Variants in CNTNAP2 observed in about 807,000 individuals in gnomAD.
The protein encoded by CNTNAP2 is contactin-associated protein-like 2.
In CNTNAP2, 98 loss-of-function variants were observed where a neutral mutation model predicts 155.2. That is an observed-to-expected ratio of 0.63 (90% confidence interval 0.54 to 0.75). CNTNAP2 has a LOEUF of 0.75. Ranked by LOEUF, CNTNAP2 falls within the 30% of genes least tolerant of loss-of-function variation. The probability of loss-of-function intolerance (pLI) is 0.00; values close to 1 mark genes in which losing one functional copy is unlikely to be tolerated. For synonymous variants in CNTNAP2, 651 were observed against 631.2 expected (o/e 1.03, Z -0.47); for missense variants, 1,727 against 1,688.1 (o/e 1.02, Z -0.40).
At chr7:147,935,175 G>C (rs1563140497) in intron 14 of CNTNAP2, among the ~76,000 whole-genome samples, 3 of 151,678 alleles carry the variant, frequency 2.0e-5, no homozygotes, top group Non-Finnish European at 4.4e-5. Flanking sequence ...TCGCCAGGCT[G>C]CAGTGCAGTG....
chr7:148,319,208 A>G (rs1797744703), intron 21 of CNTNAP2, among the ~76,000 whole-genome samples: 1 of 152,218 alleles, frequency 6.6e-6, no homozygotes, highest in Non-Finnish European at 1.5e-5. Context: ...CCTGGAAAAT[A>G]CACTCTGTAA....
intron 3 of CNTNAP2, among the ~76,000 whole-genome samples, chr7:146,932,487 A>G (rs1256509011): frequency 1.3e-5 from 2 of 152,164 alleles, no homozygotes; most frequent in Non-Finnish European, 2.9e-5. Context: ...ATCATACTGA[A>G]TGGGCAGAAA....
At chr7:146,985,705 A>G (rs1465762587) in intron 3 of CNTNAP2, among the ~76,000 whole-genome samples, 4 of 152,276 alleles carry the variant, frequency 2.6e-5, no homozygotes, top group South Asian at 2.1e-4. Flanking sequence ...AACACAGTCG[A>G]TAAGTTTTTC....
At chr7:146,303,353 A>G (rs1326672724) in intron 1 of CNTNAP2, among the ~76,000 whole-genome samples, 2 of 151,236 alleles carry the variant, frequency 1.3e-5, no homozygotes, top group African/African-American at 4.9e-5. Context: ...TACCCTCCTC[A>G]GTTTTTAAAC....
At chr7:148,391,248 G>GTAAAT (rs1027002741) in intron 22 of CNTNAP2, among the ~76,000 whole-genome samples, 11 of 152,090 alleles carry the variant, frequency 7.2e-5, no homozygotes, top group African/African-American at 2.7e-4. Flanking sequence ...GTGAAAATAA[G>GTAAAT]TAAATAAATA....
chr7:146,199,978 T>C (rs1798833877), intron 1 of CNTNAP2, among the ~76,000 whole-genome samples: 1 of 152,172 alleles, frequency 6.6e-6, no homozygotes, highest in Non-Finnish European at 1.5e-5. Context: ...CCTCAAAAAA[T>C]CCCATTCAAT....
At position 147,958,994 on chromosome 7, in the gene CNTNAP2, T is replaced by C. The variant is rs549142279; in HGVS notation, c.2256-18868T>C. ...AAGGACCACACTGAACATAACTCTA[T>C]ACAAAAAGGCTCCACTTTTTATTAA... On this transcript the variant is annotated intron_variant, in intron 14 of 23. Transcript: ENST00000361727. Among the ~76,000 whole-genome samples, 12 of 152,258 alleles carry C rather than the reference T, an allele frequency of 7.9e-5. No individual in the cohort carries two copies. In the South Asian group the frequency reaches 2.5e-3, roughly 32 times the overall value.
chr7:147,513,914 C>T (rs1335545163), intron 11 of CNTNAP2, among the ~76,000 whole-genome samples: 1 of 152,334 alleles, frequency 6.6e-6, no homozygotes, highest in East Asian at 1.9e-4. Context: ...TTTTGGAAGA[C>T]ACACCTGAAA....
intron 1 of CNTNAP2, among the ~76,000 whole-genome samples, chr7:146,476,462 A>C (rs1051383160): frequency 1.3e-5 from 2 of 151,608 alleles, no homozygotes; most frequent in African/African-American, 2.4e-5. Context: ...CTCAAAAAAG[A>C]GATTTGATTT....
chr7:146,346,736 G>C (rs751906166), intron 1 of CNTNAP2, among the ~76,000 whole-genome samples: 164 of 152,038 alleles, frequency 1.1e-3, no homozygotes, highest in Non-Finnish European at 2.0e-3. Flanking sequence ...GAGAGACAGA[G>C]AGAATCTAAC....
chr7:146,673,065 A>C (rs1800336654), intron 1 of CNTNAP2, among the ~76,000 whole-genome samples: 1 of 152,134 alleles, frequency 6.6e-6, no homozygotes. Flanking sequence ...TAAATGATAT[A>C]AATTTTAAGA....
intron 1 of CNTNAP2, among the ~76,000 whole-genome samples, chr7:146,299,686 C>G (rs1800573950): frequency 1.3e-5 from 2 of 152,120 alleles, no homozygotes; most frequent in Admixed American, 1.3e-4. Context: ...CAAGCATGAG[C>G]CACTGCACCA....
intron 15 of CNTNAP2, chr7:148,013,051 G>A (rs1046141431): frequency 3.3e-5 from 5 of 152,158 alleles, no homozygotes; most frequent in Non-Finnish European, 7.4e-5. Context: ...AATGAACAAG[G>A]AGTTGATCAT....
intron 2 of CNTNAP2, among the ~76,000 whole-genome samples, chr7:146,794,617 C>G (rs1388298739): frequency 6.6e-6 from 1 of 152,110 alleles, no homozygotes. Flanking sequence ...AGATAAATAA[C>G]TTTCCCATGG....
intron 15 of CNTNAP2, among the ~76,000 whole-genome samples, chr7:147,981,817 G>GTGTGTGTGTGTGTGTGTGTGTGTGTGT: frequency 7.2e-6 from 1 of 139,022 alleles, no homozygotes; most frequent in African/African-American, 2.6e-5. Context: ...GTGTGTGTGT[G>GTGTGTGTGTGTGTGTGTGTGTGTGTGT]GTTTTTTTTT....
chr7:147,530,202 T>G (rs1354347699), intron 11 of CNTNAP2, among the ~76,000 whole-genome samples: 1 of 151,612 alleles, frequency 6.6e-6, no homozygotes, highest in African/African-American at 2.4e-5. Context: ...TTTTTTTTTT[T>G]TGAGACAGAG....
At chr7:147,736,222 G>T (rs1469300054) in intron 13 of CNTNAP2, among the ~76,000 whole-genome samples, 1 of 151,804 alleles carries the variant, frequency 6.6e-6, no homozygotes, top group East Asian at 1.9e-4. Context: ...GCCTGGTGGT[G>T]ACAAAATCTC....
intron 2 of CNTNAP2, among the ~76,000 whole-genome samples, chr7:146,780,846 G>A (rs1165348716): frequency 6.6e-6 from 1 of 152,030 alleles, no homozygotes; most frequent in Non-Finnish European, 1.5e-5. Flanking sequence ...ACAGGGACGG[G>A]AACATAACAC....
intron 10 of CNTNAP2, among the ~76,000 whole-genome samples, chr7:147,445,766 T>C (rs1177519998): frequency 6.6e-6 from 1 of 152,162 alleles, no homozygotes; most frequent in Non-Finnish European, 1.5e-5. Context: ...GTTTCTTTCC[T>C]TCTTTCTCTC....
Sources: allele counts gnomAD v4.1 joint callset (sites outside exome capture counted in the v4.1 genomes callset), GRCh38; gene constraint gnomAD v4.1.1; transcripts MANE v1.5; gene names NCBI Gene and HGNC (gene_info 2026-07-23, HGNC 2026-07-21).